KLRF1: variants seen among roughly 807,000 people sequenced by gnomAD.
The protein encoded by KLRF1 is killer cell lectin-like receptor subfamily F member 1.
Under a neutral mutation model 30.7 loss-of-function variants are expected in KLRF1, and 27 were observed. That is an observed-to-expected ratio of 0.88 (90% CI 0.65 to 1.21). KLRF1 has a LOEUF of 1.21. KLRF1 is among the 50% of genes most tolerant of loss of function. The probability of loss-of-function intolerance (pLI) is 0.00; values close to 1 mark genes in which losing one functional copy is unlikely to be tolerated. For missense variants in KLRF1, 246 were observed against 259.3 expected (o/e 0.95, Z 0.35); for synonymous variants, 92 against 89.3 (o/e 1.03, Z -0.17).
the KLRF1 span, among the ~76,000 whole-genome samples, chr12:9,808,657 C>T: frequency 0.13 from 20,506 of 152,020 alleles, 1,541 homozygotes; most frequent in Non-Finnish European, 0.16. Context: ...GTTTGGTAGA[C>T]GTTTGAATCA....
chr12:9,819,405 C>T, the KLRF1 span, among the ~76,000 whole-genome samples: 1 of 152,206 alleles, frequency 6.6e-6, no homozygotes, highest in Admixed American at 6.5e-5. Context: ...TGAGATGAAT[C>T]TCTCAGAAGG....
chr12:9,813,363 G>A, the KLRF1 span, among the ~76,000 whole-genome samples: 1 of 151,936 alleles, frequency 6.6e-6, no homozygotes, highest in Non-Finnish European at 1.5e-5. Flanking sequence ...CTGGAGTGCG[G>A]TGGTATGATC....
At chr12:9,804,456 C>T in the KLRF1 span, among the ~76,000 whole-genome samples, 1 of 151,870 alleles carries the variant, frequency 6.6e-6, no homozygotes, top group Admixed American at 6.6e-5. Context: ...TTCAATTTAT[C>T]TGTTTTTTCT....
the KLRF1 span, among the ~76,000 whole-genome samples, chr12:9,820,891 T>C: frequency 6.6e-6 from 1 of 152,092 alleles, no homozygotes; most frequent in Non-Finnish European, 1.5e-5. Flanking sequence ...CAGCCCCTTT[T>C]CCCTGAGAAC....
chr12:9,844,646 C>A lies in KLRF1; in HGVS notation c.*120C>A. 1.7e-6 allele frequency: 1 copy of A among 584,532 alleles called. No individual in the cohort carries two copies. 36.2% of individuals were successfully genotyped at this position (584,532 alleles called of 1,614,324 possible). A position where few individuals can be genotyped will look rare whatever the true frequency, so the allele number is the denominator to read the frequency against. On this transcript the variant is annotated 3_prime_UTR_variant, in exon 6 of 6. Transcript: ENST00000617889. ...AATTAAATGCCAAAATCTCTTCTCC[C>A]TTCTCCCTCCATCATCGACACTGGT...
the KLRF1 span, among the ~76,000 whole-genome samples, chr12:9,814,285 A>G: frequency 1.3e-5 from 2 of 152,128 alleles, no homozygotes; most frequent in African/African-American, 2.4e-5. Flanking sequence ...CCGACTCCCA[A>G]TAGCAAAGCA....
chr12:9,808,479 A>C, the KLRF1 span, among the ~76,000 whole-genome samples: 1 of 152,152 alleles, frequency 6.6e-6, no homozygotes, highest in Admixed American at 6.5e-5. Context: ...TATATATCCT[A>C]ATATGTTAGA....
intron 5 of KLRF1, among the ~76,000 whole-genome samples, chr12:9,842,753 T>G (rs182537087): frequency 1.1e-4 from 16 of 152,226 alleles, no homozygotes; most frequent in African/African-American, 3.4e-4. Context: ...CCAATGTGCA[T>G]TTTTTGTGTT....
upstream of KLRF1, among the ~76,000 whole-genome samples, chr12:9,825,556 A>G (rs1416022601): frequency 6.6e-6 from 1 of 152,084 alleles, no homozygotes; most frequent in East Asian, 1.9e-4. Flanking sequence ...AATATAAAAA[A>G]CCCTGGAAGA....
chr12:9,841,411 A>G (rs1867698392), intron 3 of KLRF1, among the ~76,000 whole-genome samples: 2 of 152,080 alleles, frequency 1.3e-5, no homozygotes, highest in South Asian at 2.1e-4. Context: ...AACCCCCATG[A>G]CACAAATTTA....
At chr12:9,827,743 G>A (rs749467707) in intron 1 of KLRF1, 114 bp downstream of exon 1, 28 of 560,936 alleles carry the variant, frequency 5.0e-5, no homozygotes, top group East Asian at 3.7e-4. Context: ...TTCTTTCTCC[G>A]TCTCTGTATC....
Position 9,842,419 on chromosome 12 carries a change from A to G in KLRF1, c.573A>G (p.Pro191=). 1.2e-6 allele frequency: 2 copies of G among 1,612,036 alleles called. No individual in the cohort carries two copies. Among genetic ancestry groups the G allele is most frequent in the Middle Eastern group, 1.7e-4 (1 of 6,042 alleles). Residue 191 remains proline, a synonymous_variant, in exon 5 of 6, where the codon CCA becomes CCG. Coordinates refer to ENST00000617889, the MANE Select transcript of KLRF1 (RefSeq NM_016523.3). The part of the protein sequence containing the change: ...KMTWTWVDGS[P]IDSKIFFIKG... ...CATGGACTTGGGTGGATGGTTCTCC[A>G]ATAGATTCAAAGATGTGAGTCTTTC...
At chr12:9,832,515 C>G (rs1367879502) in intron 2 of KLRF1, 101 bp downstream of exon 2, 1 of 695,282 alleles carries the variant, frequency 1.4e-6, no homozygotes, top group Non-Finnish European at 2.4e-6. Context: ...CTACATTAAC[C>G]AAGATTGAAT....
At chr12:9,802,715 C>T in the KLRF1 span, among the ~76,000 whole-genome samples, 36 of 151,922 alleles carry the variant, frequency 2.4e-4, no homozygotes, top group Non-Finnish European at 2.9e-5. Flanking sequence ...TTCACAATTG[C>T]TATGAAGAGA....
intron 1 of KLRF1, among the ~76,000 whole-genome samples, chr12:9,828,507 A>C (rs1169391149): frequency 1.3e-5 from 2 of 152,228 alleles, no homozygotes; most frequent in Non-Finnish European, 2.9e-5. Context: ...CTCCATACAC[A>C]ATGCAATTCC....
At chr12:9,841,724 A>T (rs1277975845) in intron 3 of KLRF1, 88 bp from the exon 4 acceptor site, 1 of 950,662 alleles carries the variant, frequency 1.1e-6, no homozygotes, top group Non-Finnish European at 1.5e-6. Context: ...ACTCTTATTT[A>T]TACAACATGT....
chr12:9,812,811 T>C, the KLRF1 span, among the ~76,000 whole-genome samples: 1 of 152,354 alleles, frequency 6.6e-6, no homozygotes, highest in South Asian at 2.1e-4. Flanking sequence ...CAGTCTGACT[T>C]CCTAATAAGC....
chr12:9,841,943 C>A lies in KLRF1; in HGVS notation c.466C>A (p.Leu156Ile). The change falls in exon 4 of 6, where the codon CTT becomes ATT. Residue 156 changes from leucine to isoleucine, a missense_variant. Coordinates refer to ENST00000617889, the MANE Select transcript of KLRF1 (RefSeq NM_016523.3). ...KSHLLIIHDQ[L>I]EMAFIQKNLR... ...TCATCTACTAATCATACATGACCAA[C>A]TTGAAATGGTAATTGGTCTAGTATC... 1 of 1,610,786 alleles carries A rather than the reference C, an allele frequency of 6.2e-7. No homozygotes were observed. The highest frequency in any genetic ancestry group is 8.5e-7 in the Non-Finnish European group (1 of 1,178,344).
At chr12:9,802,664 A>G in the KLRF1 span, among the ~76,000 whole-genome samples, 3 of 152,108 alleles carry the variant, frequency 2.0e-5, no homozygotes, top group African/African-American at 7.2e-5. Flanking sequence ...ATATACACCA[A>G]TAACAGACAA....
Sources: gnomAD v4.1 joint callset for allele counts (sites outside exome capture counted in the v4.1 genomes callset) on GRCh38, gnomAD v4.1.1 for gene constraint, MANE v1.5 for transcripts, NCBI Gene and HGNC (gene_info 2026-07-23, HGNC 2026-07-21) for gene names.